The following IL1RAPL1 variants were observed in gnomAD, a reference collection of about 807,000 sequenced individuals.
IL1RAPL1 encodes the protein interleukin 1 receptor accessory protein like 1.
In IL1RAPL1, 3 loss-of-function variants were observed where a neutral mutation model predicts 48.4. That is an observed-to-expected ratio of 0.06 (90% confidence interval 0.03 to 0.16). The LOEUF (loss-of-function observed/expected upper bound fraction) is 0.16. IL1RAPL1 is among the 10% of genes least tolerant of loss of function. The pLI is 1.00. For missense variants in IL1RAPL1, 349 were observed against 530.6 expected (o/e 0.66, Z 3.36); for synonymous variants, 185 against 187.7 (o/e 0.99, Z 0.12).
At chrX:29,577,009 G>C (rs900806785) in intron 5 of IL1RAPL1, among the ~76,000 whole-genome samples, 12 of 111,712 alleles carry the variant, frequency 1.1e-4, no homozygotes, top group Non-Finnish European at 1.9e-4. Flanking sequence ...ACAATAATGA[G>C]TGAAACAGGA....
At chrX:29,553,485 T>G (rs1310643119) in intron 5 of IL1RAPL1, among the ~76,000 whole-genome samples, 4 of 111,775 alleles carry the variant, frequency 3.6e-5, no homozygotes, top group Admixed American at 2.9e-4. Context: ...CATCATAAAT[T>G]AAATCACAGT....
chrX:28,918,413 T>C (rs1344554614), intron 2 of IL1RAPL1, among the ~76,000 whole-genome samples: 4 of 112,220 alleles, frequency 3.6e-5, no homozygotes, highest in Non-Finnish European at 7.5e-5. Flanking sequence ...CTGAAACGGA[T>C]GCCACCAGTA....
chrX:29,391,174 C>G (rs1214369138), intron 3 of IL1RAPL1, among the ~76,000 whole-genome samples: 1 of 90,152 alleles, frequency 1.1e-5, no homozygotes, highest in Non-Finnish European at 2.3e-5. Context: ...AATTCCATCT[C>G]AAAAAAAAAA....
intron 8 of IL1RAPL1, among the ~76,000 whole-genome samples, chrX:29,929,744 C>G (rs747867397): frequency 1.8e-5 from 2 of 111,272 alleles, no homozygotes; most frequent in Non-Finnish European, 3.8e-5. Context: ...TATAAATTAC[C>G]TGACTTAAAT....
chrX:29,593,815 T>C (rs1459242175), intron 5 of IL1RAPL1, among the ~76,000 whole-genome samples: 2 of 112,268 alleles, frequency 1.8e-5, no homozygotes, highest in Non-Finnish European at 3.8e-5. Context: ...ATGCCCAATG[T>C]ATTCGCTTGC....
chrX:29,080,119 C>G (rs73210029), intron 2 of IL1RAPL1, among the ~76,000 whole-genome samples: 5,171 of 110,565 alleles, frequency 0.047, 125 homozygotes, highest in Middle Eastern at 0.093. Flanking sequence ...GGCACAGTGT[C>G]TCACCCCTGT....
At chrX:29,659,978 C>A (rs993578169) in intron 5 of IL1RAPL1, among the ~76,000 whole-genome samples, 8 of 111,279 alleles carry the variant, frequency 7.2e-5, no homozygotes, top group Non-Finnish European at 1.3e-4. Flanking sequence ...GCTAGGGAGG[C>A]CTCAGGGAAT....
intron 5 of IL1RAPL1, among the ~76,000 whole-genome samples, chrX:29,479,190 A>G (rs1261693517): frequency 9.2e-6 from 1 of 109,025 alleles, no homozygotes; most frequent in African/African-American, 3.4e-5. Flanking sequence ...TGGGACAATC[A>G]CTTGAGCCCA....
At chrX:29,196,713 C>T (rs772175699) in intron 2 of IL1RAPL1, among the ~76,000 whole-genome samples, 2 of 110,393 alleles carry the variant, frequency 1.8e-5, no homozygotes, top group Non-Finnish European at 3.8e-5. Context: ...GGGAACCTCA[C>T]ACTTGCTTGA....
At chrX:28,909,749 G>A (rs928849760) in intron 2 of IL1RAPL1, among the ~76,000 whole-genome samples, 5 of 111,357 alleles carry the variant, frequency 4.5e-5, no homozygotes, top group Non-Finnish European at 7.6e-5. Context: ...AGCAGTAACA[G>A]CTTTTTGTTT....
intron 3 of IL1RAPL1, among the ~76,000 whole-genome samples, chrX:29,337,786 T>G (rs998967771): frequency 4.5e-5 from 5 of 111,024 alleles, no homozygotes; most frequent in Non-Finnish European, 7.5e-5. Flanking sequence ...GTGATTCTCC[T>G]GCTTCAGCTT....
At chrX:28,748,406 C>T (rs1364255129) in intron 1 of IL1RAPL1, among the ~76,000 whole-genome samples, 1 of 111,650 alleles carries the variant, frequency 9.0e-6, no homozygotes. Context: ...CCTTTTACCA[C>T]AGTATTTCCA....
rs1164092441 is a variant in IL1RAPL1, at chrX:29,586,395, A to G, written c.704-82035A>G. On this transcript the variant is annotated intron_variant, in intron 5 of 10. Transcript: ENST00000378993. Reference sequence around the variant, plus strand: ...ATTTCTGGGTTCTCTATTCTGTTAGATTGGCCTATATGGCTGTCTTTATGG... The same window carrying G: ...ATTTCTGGGTTCTCTATTCTGTTAGGTTGGCCTATATGGCTGTCTTTATGG... Among the ~76,000 whole-genome samples the G allele has an allele frequency of 2.0e-4, 22 of 111,416 alleles. 1 individual carries two copies. In the Admixed American group the frequency reaches 2.1e-3, roughly 11 times the overall value.
chrX:29,147,512 T>C (rs919834795), intron 2 of IL1RAPL1, among the ~76,000 whole-genome samples: 1 of 111,752 alleles, frequency 8.9e-6, no homozygotes, highest in African/African-American at 3.2e-5. Context: ...GGTTTGTGTA[T>C]GTTTTGTCAC....
intron 6 of IL1RAPL1, among the ~76,000 whole-genome samples, chrX:29,790,839 C>T (rs1929612217): frequency 8.9e-6 from 1 of 112,182 alleles, no homozygotes; most frequent in South Asian, 3.7e-4. Context: ...GTGAATCATT[C>T]TTCTGCTTAA....
intron 2 of IL1RAPL1, among the ~76,000 whole-genome samples, chrX:29,261,524 TC>T (rs1931860208): frequency 1.8e-5 from 2 of 111,009 alleles, no homozygotes; most frequent in Admixed American, 9.7e-5. Context: ...TGCCTCTTTC[TC>T]CCTCTCCCTT....
At chrX:29,402,300 A>G (rs1934004601) in intron 5 of IL1RAPL1, among the ~76,000 whole-genome samples, 1 of 110,393 alleles carries the variant, frequency 9.1e-6, no homozygotes, top group Admixed American at 9.8e-5. Flanking sequence ...CACATCCCTG[A>G]TTCTCACCCT....
intron 1 of IL1RAPL1, among the ~76,000 whole-genome samples, chrX:28,699,566 C>T (rs1029795162): frequency 3.6e-5 from 4 of 112,197 alleles, no homozygotes; most frequent in Non-Finnish European, 7.5e-5. Flanking sequence ...TGAACTGGAT[C>T]GTCTCTCCTG....
At chrX:29,259,225 C>T (rs1315869627) in intron 2 of IL1RAPL1, among the ~76,000 whole-genome samples, 4 of 111,386 alleles carry the variant, frequency 3.6e-5, no homozygotes, top group Non-Finnish European at 7.5e-5. Context: ...CAAAAGATAC[C>T]ATACTTTCTT....
Sources: gnomAD v4.1 joint callset for allele counts (sites outside exome capture counted in the v4.1 genomes callset) on GRCh38, gnomAD v4.1.1 for gene constraint, MANE v1.5 for transcripts, NCBI Gene and HGNC (gene_info 2026-07-23, HGNC 2026-07-21) for gene names.